CPQ: variants seen among roughly 807,000 people sequenced by gnomAD.
CPQ encodes the protein Ser-Met dipeptidase.
Under a neutral mutation model 45.7 loss-of-function variants are expected in CPQ, and 37 were observed. That is an observed-to-expected ratio of 0.81 (90% confidence interval 0.62 to 1.07). The LOEUF (loss-of-function observed/expected upper bound fraction) is 1.07, where lower values mean the gene tolerates loss of function less well. Ranked by LOEUF, CPQ falls within the 50% of genes least tolerant of loss-of-function variation. CPQ has a pLI of 0.00. For missense variants in CPQ, 537 were observed against 572.9 expected (o/e 0.94, Z 0.64); for synonymous variants, 186 against 205.8 (o/e 0.90, Z 0.82).
chr8:96,789,630 T>A lies in CPQ; in HGVS notation c.433+4300T>A, dbSNP rs114246836. Reference sequence around the variant, plus strand: ...TCCCCCAACTTTGGCCAAGGCCAAATGCCTTGGAAGTTCCTTTTCTAATCA... The same window carrying A: ...TCCCCCAACTTTGGCCAAGGCCAAAAGCCTTGGAAGTTCCTTTTCTAATCA... On this transcript the variant is annotated intron_variant, in intron 2 of 7. Transcript: ENST00000220763. Among the ~76,000 whole-genome samples, 741 of 152,320 alleles carry A rather than the reference T, an allele frequency of 4.9e-3. 5 individuals carry two copies. Among genetic ancestry groups the A allele is most frequent in the African/African-American group, 0.017 (711 of 41,578 alleles).
At chr8:96,801,764 AC>A (rs994730582) in intron 2 of CPQ, among the ~76,000 whole-genome samples, 1 of 152,042 alleles carries the variant, frequency 6.6e-6, no homozygotes, top group Non-Finnish European at 1.5e-5. Context: ...TTTAATAAAC[AC>A]CCCATTCCAT....
In CPQ at chr8:97,066,002, T is replaced by C. The variant is rs1810628768; in HGVS notation, c.1054-7T>C. 1.2e-6 allele frequency: 2 copies of C among 1,609,834 alleles called. No individual in the cohort carries two copies. Among genetic ancestry groups the C allele is most frequent in the Non-Finnish European group, 1.7e-6 (2 of 1,179,130 alleles). ...ATAAGAACCAAACAATTTTCTCTTG[T>C]GTTTAGGTAAATATTTCCAACTACA... On this transcript the variant is annotated splice_polypyrimidine_tract_variant and splice_region_variant and intron_variant, in intron 6 of 7. Coordinates refer to ENST00000220763, the MANE Select transcript of CPQ (RefSeq NM_016134.4).
chr8:96,727,194 T>C lies in CPQ; in HGVS notation c.-34-57670T>C, dbSNP rs1809854536. Reference sequence around the variant, plus strand: ...GTGAGTTTTCCACTTTAGGGAGTAATACCAAATCATTTTCTAGCCCTTTAG... The same window carrying C: ...GTGAGTTTTCCACTTTAGGGAGTAACACCAAATCATTTTCTAGCCCTTTAG... On this transcript the variant is annotated intron_variant, in intron 1 of 7. Transcript: ENST00000220763. Among the ~76,000 whole-genome samples, 3 of 152,178 alleles carry C rather than the reference T, an allele frequency of 2.0e-5. 1 individual carries two copies. The South Asian group carries it at 6.2e-4, about 32-fold the overall frequency.
chr8:97,034,732 A>G (rs1292295877), intron 6 of CPQ, among the ~76,000 whole-genome samples: 1 of 152,112 alleles, frequency 6.6e-6, no homozygotes, highest in African/African-American at 2.4e-5. Context: ...AAAGACAACT[A>G]CTATGCTCCT....
At chr8:96,908,744 T>TGC (rs561164802) in intron 4 of CPQ, among the ~76,000 whole-genome samples, 27,807 of 69,906 alleles carry the variant, frequency 0.4, 2,893 homozygotes, top group South Asian at 0.42. Context: ...TTTATACACA[T>TGC]GCGCACACAC....
intron 4 of CPQ, among the ~76,000 whole-genome samples, chr8:96,924,170 G>A (rs1812843477): frequency 6.6e-6 from 1 of 152,136 alleles, no homozygotes; most frequent in Non-Finnish European, 1.5e-5. Flanking sequence ...GTTGGGGTGG[G>A]GGTAGGGGTG....
At chr8:96,923,273 G>C (rs995872245) in intron 4 of CPQ, among the ~76,000 whole-genome samples, 1 of 152,178 alleles carries the variant, frequency 6.6e-6, no homozygotes, top group African/African-American at 2.4e-5. Flanking sequence ...TCAGTGGCTA[G>C]ATAGTTAGAC....
rs562159357 is a variant in CPQ, at chr8:96,936,003, T to C, written c.850-29932T>C. 5.3e-5 allele frequency among the ~76,000 whole-genome samples: 8 copies of C among 152,338 alleles called. No individual in the cohort carries two copies. The South Asian group carries it at 1.2e-3, about 24-fold the overall frequency. On this transcript the variant is annotated intron_variant, in intron 4 of 7. Transcript: ENST00000220763. The stretch of plus-strand genomic sequence containing the variant: ...TCTCATGAACATAACCAATGTCTTA[T>C]GAGCCCAAGTCAAGTAGTGAACATC...
chr8:96,820,064 G>A (rs1811280882), intron 2 of CPQ, among the ~76,000 whole-genome samples: 1 of 152,040 alleles, frequency 6.6e-6, no homozygotes, highest in African/African-American at 2.4e-5. Context: ...GCTGTTAATT[G>A]TCACTCTTCT....
chr8:96,658,368 G>A (rs1311964249), intron 1 of CPQ, among the ~76,000 whole-genome samples: 3 of 152,130 alleles, frequency 2.0e-5, no homozygotes, highest in Non-Finnish European at 4.4e-5. Context: ...TCAAATTTGA[G>A]GTCTACCACC....
At chr8:97,045,036 A>C (rs1563564451) in intron 6 of CPQ, among the ~76,000 whole-genome samples, 1 of 152,150 alleles carries the variant, frequency 6.6e-6, no homozygotes, top group Non-Finnish European at 1.5e-5. Flanking sequence ...AGGGACATTT[A>C]AGTCTGCAGA....
chr8:96,712,945 G>T (rs187940239), intron 1 of CPQ, among the ~76,000 whole-genome samples: 1 of 151,724 alleles, frequency 6.6e-6, no homozygotes. Context: ...CCTCTTGATC[G>T]CTTTGCCCCT....
At chr8:97,073,861 C>T (rs1810798105) in intron 7 of CPQ, among the ~76,000 whole-genome samples, 1 of 152,232 alleles carries the variant, frequency 6.6e-6, no homozygotes, top group African/African-American at 2.4e-5. Flanking sequence ...AGTCAAAGCT[C>T]TTGCTATTCA....
At chr8:96,734,343 T>C (rs897992682) in intron 1 of CPQ, among the ~76,000 whole-genome samples, 1 of 152,188 alleles carries the variant, frequency 6.6e-6, no homozygotes, top group African/African-American at 2.4e-5. Flanking sequence ...CCTCTTTGGA[T>C]ATTCTCCAGT....
At position 96,959,487 on chromosome 8, in the gene CPQ, T is replaced by C. The variant is rs138766077; in HGVS notation, c.850-6448T>C. 9.5e-4 allele frequency among the ~76,000 whole-genome samples: 145 copies of C among 152,274 alleles called. 1 individual carries two copies. Among genetic ancestry groups the C allele is most frequent in the African/African-American group, 3.3e-3 (139 of 41,564 alleles). On this transcript the variant is annotated intron_variant, in intron 4 of 7. Coordinates refer to ENST00000220763, the MANE Select transcript of CPQ (RefSeq NM_016134.4). ...TAACCTTTCCCCTGTTAGTCATTTT[T>C]TTTAACTTCAACAAAAGCCTGCATC...
chr8:96,986,278 G>T (rs1808976743), intron 5 of CPQ, among the ~76,000 whole-genome samples: 1 of 152,140 alleles, frequency 6.6e-6, no homozygotes, highest in Non-Finnish European at 1.5e-5. Flanking sequence ...CTTGACAAAT[G>T]ACCCTAATTT....
intron 5 of CPQ, among the ~76,000 whole-genome samples, chr8:97,006,161 C>G (rs1385374431): frequency 6.6e-6 from 1 of 152,084 alleles, no homozygotes; most frequent in Non-Finnish European, 1.5e-5. Context: ...GTTATTTGCT[C>G]TTGTAGAATA....
chr8:96,662,355 TGGG>T lies in CPQ; in HGVS notation c.-35+16957_-35+16959del, dbSNP rs556300331. On this transcript the variant is annotated intron_variant, in intron 1 of 7. Coordinates refer to ENST00000220763, the MANE Select transcript of CPQ (RefSeq NM_016134.4). ...TTGATGAAGATATGTGATAATAAAATGGGGGGCAAAGTGAAGACATTGTAACAA... is the reference window on the plus strand; with the variant it reads ...TTGATGAAGATATGTGATAATAAAATGGGCAAAGTGAAGACATTGTAACAA... 1.9e-3 allele frequency among the ~76,000 whole-genome samples: 287 copies of T among 152,304 alleles called. 2 individuals carry two copies. The highest frequency in any genetic ancestry group is 6.2e-3 in the African/African-American group (257 of 41,568).
chr8:96,829,160 G>C (rs1811414145), intron 2 of CPQ, among the ~76,000 whole-genome samples: 1 of 152,096 alleles, frequency 6.6e-6, no homozygotes, highest in Non-Finnish European at 1.5e-5. Context: ...AGTACAGCAA[G>C]TGGCTCTCAG....
Sources: allele counts gnomAD v4.1 joint callset (sites outside exome capture counted in the v4.1 genomes callset), GRCh38; gene constraint gnomAD v4.1.1; transcripts MANE v1.5; gene names NCBI Gene and HGNC (gene_info 2026-07-23, HGNC 2026-07-21).